Variants in KBTBD12 observed in about 807,000 individuals in gnomAD.
The protein encoded by KBTBD12 is kelch repeat and BTB domain-containing protein 12.
A neutral mutation model predicts 58.7 loss-of-function variants in KBTBD12; 53 were observed. That is an observed-to-expected ratio of 0.90 (90% CI 0.72 to 1.14). The LOEUF (loss-of-function observed/expected upper bound fraction) is 1.14. Ranked by LOEUF, KBTBD12 falls within the 50% of genes most tolerant of loss-of-function variation. The pLI, the probability that KBTBD12 is intolerant of heterozygous loss-of-function variation, is 0.00. For synonymous variants in KBTBD12, 236 were observed against 259.8 expected (o/e 0.91, Z 0.88); for missense variants, 704 against 751.3 (o/e 0.94, Z 0.74).
At chr3:127,936,156 A>G (rs1478073150) in intron 4 of KBTBD12, among the ~76,000 whole-genome samples, 3 of 152,184 alleles carry the variant, frequency 2.0e-5, no homozygotes, top group Admixed American at 2.0e-4. Context: ...ACTTGAGGTC[A>G]GAAGTTCAAC....
At chr3:127,960,210 T>A (rs1482323507) in intron 4 of KBTBD12, among the ~76,000 whole-genome samples, 1 of 151,626 alleles carries the variant, frequency 6.6e-6, no homozygotes, top group Admixed American at 6.6e-5. Flanking sequence ...GGAGGAGAGG[T>A]TCACTCCTGC....
chr3:127,939,680 TCAGA>T (rs1008865416), intron 4 of KBTBD12, among the ~76,000 whole-genome samples: 25 of 146,946 alleles, frequency 1.7e-4, no homozygotes, highest in African/African-American at 4.3e-4. Flanking sequence ...TTAAAAGAGA[TCAGA>T]CAAAGTGAAA....
At chr3:127,932,758 T>C (rs1224833343) in intron 4 of KBTBD12, among the ~76,000 whole-genome samples, 1 of 152,180 alleles carries the variant, frequency 6.6e-6, no homozygotes, top group East Asian at 1.9e-4. Context: ...CTCTTTGAGA[T>C]ATTAAGATAA....
rs187948199 is a variant in KBTBD12, at chr3:127,951,853, G to A, written c.1493-11336G>A. Reference sequence around the variant, plus strand: ...AAAGGTATTGCAAGAAGGGATTAGAGGGCAGTATAAAGGCATGATCTAGAT... The same window carrying A: ...AAAGGTATTGCAAGAAGGGATTAGAAGGCAGTATAAAGGCATGATCTAGAT... On this transcript the variant is annotated intron_variant, in intron 4 of 5. Transcript: ENST00000405109. 2.6e-5 allele frequency among the ~76,000 whole-genome samples: 4 copies of A among 152,270 alleles called. No homozygotes were observed. The East Asian group carries it at 7.7e-4, about 29-fold the overall frequency.
chr3:127,952,656 G>A (rs1441761293), intron 4 of KBTBD12, among the ~76,000 whole-genome samples: 1 of 152,160 alleles, frequency 6.6e-6, no homozygotes, highest in Non-Finnish European at 1.5e-5. Context: ...AAAATTCAAG[G>A]TCTTTTATCA....
intron 2 of KBTBD12, among the ~76,000 whole-genome samples, chr3:127,924,902 A>G (rs964890281): frequency 2.0e-5 from 3 of 152,224 alleles, no homozygotes; most frequent in Non-Finnish European, 4.4e-5. Flanking sequence ...AGTATTTAGC[A>G]CTTAAATCTA....
At chr3:127,946,142 A>T (rs111754440) in intron 4 of KBTBD12, among the ~76,000 whole-genome samples, 19 of 152,292 alleles carry the variant, frequency 1.2e-4, no homozygotes, top group African/African-American at 3.4e-4. Context: ...CTTGTTATAT[A>T]GTTTATATAC....
At chr3:127,916,502 T>C (rs1359520503) in intron 1 of KBTBD12, among the ~76,000 whole-genome samples, 2 of 152,154 alleles carry the variant, frequency 1.3e-5, no homozygotes, top group East Asian at 1.9e-4. Flanking sequence ...AAATAATGAC[T>C]GTCCCTCAGG....
At chr3:127,922,269 A>G (rs1939429029) in intron 1 of KBTBD12, among the ~76,000 whole-genome samples, 1 of 152,138 alleles carries the variant, frequency 6.6e-6, no homozygotes, top group African/African-American at 2.4e-5. Context: ...CAGAGAAATC[A>G]TATAGTTTTA....
intron 1 of KBTBD12, among the ~76,000 whole-genome samples, chr3:127,920,930 T>A (rs1939390900): frequency 1.3e-5 from 2 of 152,110 alleles, no homozygotes; most frequent in Non-Finnish European, 2.9e-5. Flanking sequence ...AGAACATTTA[T>A]ACAGTTTTGT....
chr3:127,921,235 T>C (rs1161390792), intron 1 of KBTBD12, among the ~76,000 whole-genome samples: 1 of 152,068 alleles, frequency 6.6e-6, no homozygotes, highest in Non-Finnish European at 1.5e-5. Flanking sequence ...AAGGAACGTG[T>C]TAATATTGCT....
Position 127,927,940 on chromosome 3 carries a change from G to A in KBTBD12, c.1247G>A (p.Trp416Ter), listed in dbSNP as rs1430616566. The A allele has an allele frequency of 1.9e-6, 3 of 1,613,308 alleles. No individual in the cohort carries two copies. The highest frequency in any genetic ancestry group is 2.5e-6 in the Non-Finnish European group (3 of 1,179,450). ...VDKYSVERDN[W>*]KRVSPLPLQL... ...AAGTACTCTGTAGAACGGGACAATTGGAAAAGGGTGTCTCCCCTTCCACTG... is the reference window on the plus strand; with the variant it reads ...AAGTACTCTGTAGAACGGGACAATTAGAAAAGGGTGTCTCCCCTTCCACTG... The change falls in exon 3 of 6, where the codon TGG (tryptophan) becomes TAG (stop). Residue 416 changes from tryptophan (W) to a stop codon, truncating the protein, a stop_gained. Coordinates refer to ENST00000405109, the MANE Select transcript of KBTBD12 (RefSeq NM_207335.4). LOFTEE classifies it high-confidence loss of function.
At chr3:127,962,305 A>G (rs1940457319) in intron 4 of KBTBD12, among the ~76,000 whole-genome samples, 1 of 152,248 alleles carries the variant, frequency 6.6e-6, no homozygotes, top group African/African-American at 2.4e-5. Context: ...AAAGCAGTGC[A>G]TAGAAATGTG....
chr3:127,957,621 T>G (rs1940343998), intron 4 of KBTBD12, among the ~76,000 whole-genome samples: 1 of 152,124 alleles, frequency 6.6e-6, no homozygotes, highest in African/African-American at 2.4e-5. Context: ...CAGTTATCAC[T>G]TTCTGTTTTG....
chr3:127,936,580 C>A (rs1216941955), intron 4 of KBTBD12, among the ~76,000 whole-genome samples: 1 of 152,120 alleles, frequency 6.6e-6, no homozygotes, highest in Non-Finnish European at 1.5e-5. Context: ...AAATTGTACA[C>A]ACAATGGGTG....
Position 127,963,302 on chromosome 3 carries a change from C to G in KBTBD12, c.1606C>G (p.Pro536Ala). 6.2e-7 allele frequency: 1 copy of G among 1,611,652 alleles called. No homozygotes were observed. The highest frequency in any genetic ancestry group is 1.1e-5 in the South Asian group (1 of 90,266). ...GCGAGAGGGCCCTCCCATGCCAAGT[C>G]CCCTCCTCTCACTCCGCACCAATTC... ...FWREGPPMPS[P>A]LLSLRTNSTN... The change falls in exon 5 of 6, where the codon CCC (proline) becomes GCC (alanine). Residue 536 changes from proline to alanine, a missense_variant. By Grantham distance (27) the Pro-to-Ala change is conservative (BLOSUM62 -1). Coordinates refer to ENST00000405109, the MANE Select transcript of KBTBD12 (RefSeq NM_207335.4).
chr3:127,958,953 G>A (rs899758923), intron 4 of KBTBD12, among the ~76,000 whole-genome samples: 1 of 152,142 alleles, frequency 6.6e-6, no homozygotes, highest in African/African-American at 2.4e-5. Context: ...ACCAGAATCC[G>A]GTAGAAGGCA....
intron 4 of KBTBD12, among the ~76,000 whole-genome samples, chr3:127,957,647 G>A (rs530535316): frequency 1.3e-3 from 201 of 151,128 alleles, no homozygotes; most frequent in Non-Finnish European, 2.3e-3. Flanking sequence ...TCCCCCAACC[G>A]CCACCAAAAA....
intron 5 of KBTBD12, among the ~76,000 whole-genome samples, chr3:127,981,740 G>A (rs1940876186): frequency 6.6e-6 from 1 of 152,148 alleles, no homozygotes; most frequent in Admixed American, 6.5e-5. Flanking sequence ...AGGAAATTGA[G>A]ACCATCCTGG....
Sources: gnomAD v4.1 joint callset for allele counts (sites outside exome capture counted in the v4.1 genomes callset) on GRCh38, gnomAD v4.1.1 for gene constraint, MANE v1.5 for transcripts, NCBI Gene and HGNC (gene_info 2026-07-23, HGNC 2026-07-21) for gene names.